TATDN1: variants seen among roughly 807,000 people sequenced by gnomAD.
TATDN1 encodes the protein TatD DNase domain containing 1.
A neutral mutation model predicts 46.4 loss-of-function variants in TATDN1; 40 were observed. The observed-to-expected ratio is 0.86, with a 90% confidence interval of 0.67 to 1.12. The LOEUF is 1.12. Ranked by LOEUF, TATDN1 falls within the 50% of genes most tolerant of loss-of-function variation. The pLI, the probability that TATDN1 is intolerant of heterozygous loss-of-function variation, is 0.00. For missense variants in TATDN1, 326 were observed against 348.4 expected, an observed-to-expected ratio of 0.94 and a Z score of 0.51; for synonymous variants, 95 against 105.6, an observed-to-expected ratio of 0.90 and a Z score of 0.62.
chr8:124,532,259 G>A (rs1821032129), intron 1 of TATDN1, among the ~76,000 whole-genome samples: 1 of 152,158 alleles, frequency 6.6e-6, no homozygotes, highest in Non-Finnish European at 1.5e-5. Context: ...AGCCTGAATG[G>A]CATCTAAGAG....
chr8:124,515,680 A>C, intron 6 of TATDN1, 66 bp downstream of exon 6: 1 of 1,477,436 alleles, frequency 6.8e-7, no homozygotes, highest in Admixed American at 1.8e-5. Context: ...CTCTCACCTG[A>C]TACAAGATAT....
intron 6 of TATDN1, among the ~76,000 whole-genome samples, chr8:124,510,478 G>A (rs182658393): frequency 2.6e-4 from 39 of 152,238 alleles, no homozygotes; most frequent in African/African-American, 6.0e-4. Context: ...TCTAATGGTC[G>A]GATGGAAAAT....
At position 124,493,927 on chromosome 8, in the gene TATDN1, C is replaced by T. The variant is rs138955351; in HGVS notation, c.697G>A (p.Ala233Thr). The change falls in exon 11 of 12, where the codon GCT becomes ACT. Residue 233 changes from alanine to threonine, a missense_variant. Coordinates refer to ENST00000276692, the MANE Select transcript of TATDN1 (RefSeq NM_032026.4). ...GCAGTTCTTATATATTTTGATCCAG[C>T]ATGTGTACTTTTGACTCCACACCAA... ...APWCGVKSTH[A>T]GSKYIRTAFP... The T allele has an allele frequency of 5.2e-5, 84 of 1,612,640 alleles. No individual in the cohort carries two copies. In the African/African-American group the frequency reaches 6.8e-4, roughly 13 times the overall value.
At chr8:124,531,260 AATT>A (rs1272016746) in intron 1 of TATDN1, among the ~76,000 whole-genome samples, 1 of 152,166 alleles carries the variant, frequency 6.6e-6, no homozygotes, top group African/African-American at 2.4e-5. Context: ...AACCAGTAAC[AATT>A]TCAAAAGGGG....
At chr8:124,531,610 C>T (rs1173729914) in intron 1 of TATDN1, among the ~76,000 whole-genome samples, 1 of 152,154 alleles carries the variant, frequency 6.6e-6, no homozygotes, top group African/African-American at 2.4e-5. Context: ...AAAGACCTAC[C>T]TCAATGAGAA....
Position 124,504,332 on chromosome 8 carries a change from C to A in TATDN1, c.532G>T (p.Gly178Cys). ...CVGGVVHSFD[G>C]TKEAAAALID... ...AAAGCAGCTGCTGCTTCCTTGGTACCATCAAATGAATGCACCTGGGGACAT... is the reference window on the plus strand; with the variant it reads ...AAAGCAGCTGCTGCTTCCTTGGTACAATCAAATGAATGCACCTGGGGACAT... Residue 178 changes from glycine to cysteine, a missense_variant, in exon 9 of 12, where the codon GGT becomes TGT. By Grantham distance (159) the Gly-to-Cys change is radical. Coordinates refer to ENST00000276692, the MANE Select transcript of TATDN1 (RefSeq NM_032026.4). 1 of 1,605,740 alleles carries A rather than the reference C, an allele frequency of 6.2e-7. No individual in the cohort carries two copies. Among genetic ancestry groups the A allele is most frequent in the South Asian group, 1.1e-5 (1 of 88,802 alleles).
intron 9 of TATDN1, chr8:124,503,907 C>T: frequency 1.5e-6 from 2 of 1,293,050 alleles, no homozygotes; most frequent in Admixed American, 2.3e-5. Context: ...ACAGAATAAA[C>T]CGTTCGTCCA....
chr8:124,501,091 C>T (rs1395505396), intron 9 of TATDN1, among the ~76,000 whole-genome samples: 6 of 152,194 alleles, frequency 3.9e-5, no homozygotes, highest in Admixed American at 3.9e-4. Context: ...CAATCCACAT[C>T]AGAAACAGCT....
intron 1 of TATDN1, among the ~76,000 whole-genome samples, chr8:124,535,239 G>A (rs1259639507): frequency 6.6e-6 from 1 of 152,188 alleles, no homozygotes; most frequent in African/African-American, 2.4e-5. Flanking sequence ...AAGGGTTTCA[G>A]GAGTTGTGCA....
chr8:124,533,114 T>C (rs1821112854), intron 1 of TATDN1, among the ~76,000 whole-genome samples: 2 of 151,452 alleles, frequency 1.3e-5, no homozygotes, highest in African/African-American at 4.9e-5. Flanking sequence ...TAGCCGGGCG[T>C]GGTGGCAGGC....
intron 1 of TATDN1, among the ~76,000 whole-genome samples, chr8:124,535,942 C>G (rs1197066707): frequency 6.6e-6 from 1 of 152,080 alleles, no homozygotes. Flanking sequence ...GGGAAGTGAC[C>G]CAAACACCTC....
intron 9 of TATDN1, among the ~76,000 whole-genome samples, chr8:124,498,678 T>C (rs1817685196): frequency 1.3e-5 from 2 of 151,818 alleles, no homozygotes; most frequent in Admixed American, 1.3e-4. Context: ...ACAGACGGAG[T>C]CTCTCACTAT....
chr8:124,518,732 T>C, intron 4 of TATDN1, 86 bp downstream of exon 4: 1 of 906,278 alleles, frequency 1.1e-6, no homozygotes, highest in East Asian at 2.4e-5. Context: ...CATGATCCAT[T>C]GTATTGTACC....
At chr8:124,495,643 C>CTA in intron 9 of TATDN1, 101 bp from the exon 10 acceptor site, 1 of 815,086 alleles carries the variant, frequency 1.2e-6, no homozygotes, top group South Asian at 1.7e-5. Context: ...ACCCAAAACC[C>CTA]TATAACACTT....
chr8:124,493,869 T>C lies in TATDN1; in HGVS notation c.755A>G (p.His252Arg), dbSNP rs1817229824. The change falls in exon 11 of 12, where the codon CAC becomes CGC. Residue 252 changes from histidine (H) to arginine (R), a missense_variant. Transcript: ENST00000276692. Reference sequence around the variant, plus strand: ...GGGTTCATTTCTGTCTTTTAAGCAGTGCCCACTTTCCCACTTCTTTTTGGT... The same window carrying C: ...GGGTTCATTTCTGTCTTTTAAGCAGCGCCCACTTTCCCACTTCTTTTTGGT... Reference protein sequence around the residue: ...FPTKKKWESGHCLKDRNEPCH... With the variant: ...FPTKKKWESGRCLKDRNEPCH... 1.2e-6 allele frequency: 2 copies of C among 1,611,494 alleles called. No individual in the cohort carries two copies. Among genetic ancestry groups the C allele is most frequent in the Non-Finnish European group, 1.7e-6 (2 of 1,179,818 alleles).
chr8:124,525,075 G>A (rs533411277), intron 1 of TATDN1, among the ~76,000 whole-genome samples: 12 of 152,276 alleles, frequency 7.9e-5, no homozygotes, highest in African/African-American at 2.4e-4. Flanking sequence ...TAAAGGCCAT[G>A]CAGATGTAGA....
chr8:124,522,629 G>A (rs1346439347), intron 2 of TATDN1, among the ~76,000 whole-genome samples: 2 of 152,148 alleles, frequency 1.3e-5, no homozygotes, highest in Non-Finnish European at 2.9e-5. Flanking sequence ...ATGTTGGCCA[G>A]GCTGGTCTCG....
At position 124,495,558 on chromosome 8, in the gene TATDN1, ATAT is replaced by A. The variant is rs752445476; in HGVS notation, c.594-19_594-17del. On this transcript the variant is annotated splice_polypyrimidine_tract_variant and intron_variant, in intron 9 of 11. Coordinates refer to ENST00000276692, the MANE Select transcript of TATDN1 (RefSeq NM_032026.4). ...TTTCAGTGAGCTTAAAAAAAAGTGT[ATAT>A]TTATTTTAAAAGGCAGCAATTAACG... is the stretch of plus-strand genomic sequence containing the variant. 3 of 1,576,878 alleles carry A rather than the reference ATAT, an allele frequency of 1.9e-6. No homozygotes were observed. The highest frequency in any genetic ancestry group is 2.6e-6 in the Non-Finnish European group (3 of 1,160,664).
intron 9 of TATDN1, 93 bp from the exon 10 acceptor site, chr8:124,495,635 C>T (rs982704819): frequency 1.1e-5 from 10 of 917,644 alleles, no homozygotes; most frequent in Non-Finnish European, 1.6e-5. Flanking sequence ...CAAAACCAAC[C>T]CAAAACCCTA....
Sources: gnomAD v4.1 joint callset for allele counts (sites outside exome capture counted in the v4.1 genomes callset) on GRCh38, gnomAD v4.1.1 for gene constraint, MANE v1.5 for transcripts, NCBI Gene and HGNC (gene_info 2026-07-23, HGNC 2026-07-21) for gene names.